Variants in CD109 observed in about 807,000 individuals in gnomAD.
CD109 encodes the protein CD109 molecule, also known as CD109 antigen.
Under a neutral mutation model 165.8 loss-of-function variants are expected in CD109, and 149 were observed. The observed-to-expected ratio is 0.90, with a 90% CI of 0.79 to 1.03. The LOEUF (loss-of-function observed/expected upper bound fraction) is 1.03. CD109 is among the 50% of genes least tolerant of loss of function. CD109 has a pLI of 0.00. For missense variants in CD109, 1,712 were observed against 1,677.8 expected (o/e 1.02, Z -0.36); for synonymous variants, 585 against 592.1 (o/e 0.99, Z 0.18).
At chr6:73,808,340 A>G (rs912447329) in intron 26 of CD109, 92 bp downstream of exon 26, 70 of 1,253,472 alleles carry the variant, frequency 5.6e-5, no homozygotes, top group Admixed American at 1.6e-4. Context: ...AATTGATTAC[A>G]TCTGCATCTT....
At position 73,730,485 on chromosome 6, in the gene CD109, T is replaced by C. The variant is rs370649786; in HGVS notation, c.418T>C (p.Tyr140His). The change falls in exon 4 of 33, where the codon TAC becomes CAC. Residue 140 changes from tyrosine (Y) to histidine (H), a missense_variant. Transcript: ENST00000287097. Reference sequence around the variant, plus strand: ...CTTCATTCAAACAGACAAGGCCTTATACAAGCCAAAGCAAGAAGTGAAGTT... The same window carrying C: ...CTTCATTCAAACAGACAAGGCCTTACACAAGCCAAAGCAAGAAGTGAAGTT... ...SVFIQTDKAL[Y>H]KPKQEVKFRI... is the part of the protein sequence containing the mutation. The C allele has an allele frequency of 4.3e-6, 7 of 1,614,026 alleles. No individual in the cohort carries two copies. The African/African-American group carries it at 6.7e-5, about 15-fold the overall frequency.
At chr6:73,692,847 C>T (rs753257167), upstream of CD109, among the ~76,000 whole-genome samples, 4 of 152,164 alleles carry the variant, frequency 2.6e-5, no homozygotes, top group Non-Finnish European at 5.9e-5. Flanking sequence ...GACTTTGCTC[C>T]ACATTCGCCT....
intron 5 of CD109, among the ~76,000 whole-genome samples, chr6:73,748,816 A>T (rs991545807): frequency 1.3e-5 from 2 of 152,250 alleles, no homozygotes; most frequent in Non-Finnish European, 2.9e-5. Context: ...GAAGGAAAGG[A>T]TGATGTAAAT....
chr6:73,807,975 A>G (rs1582193915), intron 25 of CD109, 108 bp from the exon 26 acceptor site: 1 of 905,114 alleles, frequency 1.1e-6, no homozygotes, highest in Non-Finnish European at 1.7e-6. Flanking sequence ...CAGGTACTTC[A>G]TAGACACTGA....
intron 5 of CD109, among the ~76,000 whole-genome samples, chr6:73,737,171 C>G (rs566773408): frequency 5.9e-5 from 9 of 152,228 alleles, no homozygotes; most frequent in Middle Eastern, 3.4e-3. Context: ...AACATGTAAA[C>G]CTTTATATTT....
rs1248852061 is a variant in CD109, at chr6:73,811,065, T to C, written c.3620T>C (p.Val1207Ala). The C allele has an allele frequency of 1.2e-6, 2 of 1,613,360 alleles. No homozygotes were observed. Among genetic ancestry groups the C allele is most frequent in the Admixed American group, 1.7e-5 (1 of 59,894 alleles). The change falls in exon 28 of 33, where the codon GTG becomes GCG. Residue 1207 changes from valine (V) to alanine (A), a missense_variant. Coordinates refer to ENST00000287097, the MANE Select transcript of CD109 (RefSeq NM_133493.5). The stretch of plus-strand genomic sequence containing the variant: ...AATACAGAAAGGACAAATATCCAAG[T>C]GACCGTGACGGGGCCTAGCTCACCA... ...LMNTERTNIQ[V>A]TVTGPSSPSP...
intron 27 of CD109, among the ~76,000 whole-genome samples, chr6:73,810,477 A>T (rs1043801390): frequency 6.6e-6 from 1 of 151,848 alleles, no homozygotes; most frequent in Non-Finnish European, 1.5e-5. Context: ...GCCACTTTTC[A>T]TCTGTGGTAA....
chr6:73,716,762 C>T (rs144452943), intron 2 of CD109, among the ~76,000 whole-genome samples: 17 of 152,198 alleles, frequency 1.1e-4, no homozygotes, highest in African/African-American at 4.1e-4. Context: ...TCCTTTATTG[C>T]GCAGAAGCTT....
At chr6:73,693,349 A>G (rs1258067056), upstream of CD109, among the ~76,000 whole-genome samples, 1 of 152,038 alleles carries the variant, frequency 6.6e-6, no homozygotes, top group Non-Finnish European at 1.5e-5. Flanking sequence ...TTAACAACCA[A>G]TTCTTGTGGG....
At chr6:73,799,858 A>ATTTTTT (rs567805191) in intron 23 of CD109, among the ~76,000 whole-genome samples, 1 of 142,498 alleles carries the variant, frequency 7.0e-6, no homozygotes, top group Non-Finnish European at 1.5e-5. Flanking sequence ...TCCCCCCGCA[A>ATTTTTT]TTTTTTTTTT....
intron 15 of CD109, among the ~76,000 whole-genome samples, chr6:73,779,620 T>A (rs1774398141): frequency 6.6e-6 from 1 of 152,168 alleles, no homozygotes; most frequent in African/African-American, 2.4e-5. Context: ...TTTATCCATT[T>A]TTCTGCTGAT....
chr6:73,790,433 A>G (rs1774882439), intron 22 of CD109, among the ~76,000 whole-genome samples: 1 of 152,180 alleles, frequency 6.6e-6, no homozygotes, highest in Non-Finnish European at 1.5e-5. Flanking sequence ...GTCTACACAA[A>G]TGGTGTTATT....
At chr6:73,756,554 TC>T in intron 5 of CD109, 88 bp from the exon 6 acceptor site, 2 of 838,454 alleles carry the variant, frequency 2.4e-6, no homozygotes, top group Non-Finnish European at 3.7e-6. Flanking sequence ...AAATTAATTT[TC>T]TAAATTGTTT....
At chr6:73,737,610 A>C (rs903481258) in intron 5 of CD109, among the ~76,000 whole-genome samples, 2 of 152,220 alleles carry the variant, frequency 1.3e-5, no homozygotes, top group Non-Finnish European at 2.9e-5. Context: ...CTTACTTATA[A>C]CAGTGTAATA....
chr6:73,785,391 T>G lies in CD109; in HGVS notation c.2251T>G (p.Phe751Val). 2.5e-6 allele frequency: 4 copies of G among 1,607,142 alleles called. No individual in the cohort carries two copies. Among genetic ancestry groups the G allele is most frequent in the Non-Finnish European group, 3.4e-6 (4 of 1,176,298 alleles). The change falls in exon 20 of 33, where the codon TTT (phenylalanine) becomes GTT (valine). Residue 751 changes from phenylalanine (F) to valine (V), a missense_variant. Phe to Val is a conservative substitution (Grantham distance 50). Coordinates refer to ENST00000287097, the MANE Select transcript of CD109 (RefSeq NM_133493.5). The part of the protein sequence containing the change: ...ELQAFQPFFI[F>V]LNLPYSVIRG... ...CCAAGCCTTCCAACCATTTTTCATTTTTTTGAATCTTCCCTACTCTGTTAT... is the reference window on the plus strand; with the variant it reads ...CCAAGCCTTCCAACCATTTTTCATTGTTTTGAATCTTCCCTACTCTGTTAT...
intron 28 of CD109, 132 bp downstream of exon 28, chr6:73,811,279 G>A: frequency 9.4e-7 from 1 of 1,066,372 alleles, no homozygotes; most frequent in Non-Finnish European, 1.3e-6. Flanking sequence ...GGGAGAAGTG[G>A]TGCCCTTCTT....
At chr6:73,738,195 C>T (rs2150189633) in intron 5 of CD109, among the ~76,000 whole-genome samples, 1 of 152,352 alleles carries the variant, frequency 6.6e-6, no homozygotes, top group African/African-American at 2.4e-5. Context: ...TTAGCACAAG[C>T]ACTGATGTTT....
chr6:73,798,259 T>C (rs1347593711), intron 23 of CD109, among the ~76,000 whole-genome samples: 1 of 151,892 alleles, frequency 6.6e-6, no homozygotes, highest in Non-Finnish European at 1.5e-5. Flanking sequence ...GGACTACAGG[T>C]GTGTGCCACC....
Position 73,730,445 on chromosome 6 carries a change from C to T in CD109, c.378C>T (p.Thr126=), listed in dbSNP as rs1272293711. The change falls in exon 4 of 33, where the codon ACC becomes ACT. Residue 126 remains threonine (T), a synonymous_variant. Coordinates refer to ENST00000287097, the MANE Select transcript of CD109 (RefSeq NM_133493.5). ...FSNSTRLSFE[T]KRISVFIQTD... ...ATAGTACCCGCTTATCATTTGAGACCAAGAGAATATCTGTCTTCATTCAAA... is the reference window on the plus strand; with the variant it reads ...ATAGTACCCGCTTATCATTTGAGACTAAGAGAATATCTGTCTTCATTCAAA... The T allele has an allele frequency of 6.2e-7, 1 of 1,613,072 alleles. No homozygotes were observed.
Sources: gnomAD v4.1 joint callset for allele counts (sites outside exome capture counted in the v4.1 genomes callset) on GRCh38, gnomAD v4.1.1 for gene constraint, MANE v1.5 for transcripts, NCBI Gene and HGNC (gene_info 2026-07-23, HGNC 2026-07-21) for gene names.